The following ACSM4 variants were observed in gnomAD, a reference collection of about 807,000 sequenced individuals.
ACSM4 encodes acyl-coenzyme A synthetase ACSM4, mitochondrial.
In ACSM4, 66 loss-of-function variants were observed where a neutral mutation model predicts 73.0. The observed-to-expected ratio is 0.90, with a 90% CI of 0.74 to 1.11. ACSM4 has a LOEUF of 1.11. Among genes scored for constraint, ACSM4 ranks in the 50% least tolerant of loss-of-function variants. The pLI is 0.00. For missense variants in ACSM4, 645 were observed against 714.4 expected (o/e 0.90, Z 1.11); for synonymous variants, 222 against 254.0 (o/e 0.87, Z 1.20).
intron 5 of ACSM4, 41 bp from the exon 6 acceptor site, chr12:7,320,684 A>C (rs893405165): frequency 1.2e-5 from 19 of 1,551,682 alleles, no homozygotes; most frequent in Non-Finnish European, 1.6e-5. Flanking sequence ...ATGGCCTTTG[A>C]ATGACCACTT....
Position 7,323,551 on chromosome 12 carries a change from T to C in ACSM4, c.1299T>C (p.Ser433=). Residue 433 remains serine (S), a synonymous_variant, in exon 9 of 13, where the codon TCT becomes TCC. Coordinates refer to ENST00000399422, the MANE Select transcript of ACSM4 (RefSeq NM_001080454.2). ...LKPTRPFCFF[S]KYVDNPQKTA... The stretch of plus-strand genomic sequence containing the variant: ...CTACACGGCCCTTCTGTTTCTTCTC[T>C]AAATATGTGGTATGAGGATAGAAAG... 6.2e-7 allele frequency: 1 copy of C among 1,612,792 alleles called. No individual in the cohort carries two copies. The highest frequency in any genetic ancestry group is 1.3e-5 in the African/African-American group (1 of 75,030).
intron 4 of ACSM4, 31 bp from the exon 5 acceptor site, chr12:7,317,995 G>C: frequency 6.2e-7 from 1 of 1,602,720 alleles, no homozygotes. Context: ...TTTATTTTTG[G>C]TCTGTTTTGT....
At chr12:7,317,366 A>C (rs1170502549) in intron 4 of ACSM4, 86 bp downstream of exon 4, 9 of 1,443,194 alleles carry the variant, frequency 6.2e-6, no homozygotes, top group African/African-American at 1.4e-5. Flanking sequence ...TTCTCCTTGA[A>C]TTGCTATAAG....
rs535339587 is a variant in ACSM4, at chr12:7,322,681, C to A, written c.1125+140C>A. 596 of 1,061,012 alleles carry A rather than the reference C, an allele frequency of 5.6e-4. 7 individuals carry two copies. In the South Asian group the frequency reaches 7.9e-3, roughly 14 times the overall value. 65.7% of individuals were successfully genotyped at this position (1,061,012 alleles called of 1,614,324 possible). A position where few individuals can be genotyped will look rare whatever the true frequency, so the allele number is the denominator to read the frequency against. ...GGATACCTCACCTTGCCAGTAGTTA[C>A]CAAAACTTGCAGATTGCTCAGTTAG... On this transcript the variant is annotated intron_variant, in intron 7 of 12. Transcript: ENST00000399422.
intron 5 of ACSM4, 91 bp from the exon 6 acceptor site, chr12:7,320,634 A>G (rs1946454265): frequency 1.9e-6 from 2 of 1,068,328 alleles, no homozygotes; most frequent in Non-Finnish European, 2.8e-6. Context: ...GGCACATATT[A>G]ATGGAAGAAA....
At chr12:7,324,040 T>C (rs565253386) in intron 9 of ACSM4, among the ~76,000 whole-genome samples, 95 of 152,064 alleles carry the variant, frequency 6.2e-4, no homozygotes, top group Admixed American at 3.2e-3. Flanking sequence ...TAGTCAGGTG[T>C]TGTGGCACAT....
chr12:7,312,797 T>C (rs1458086055), intron 3 of ACSM4, among the ~76,000 whole-genome samples: 2 of 152,208 alleles, frequency 1.3e-5, no homozygotes, highest in African/African-American at 4.8e-5. Flanking sequence ...AAATATCTAG[T>C]AATTATAACT....
chr12:7,308,748 A>T (rs767906617), intron 2 of ACSM4, among the ~76,000 whole-genome samples: 11 of 152,314 alleles, frequency 7.2e-5, no homozygotes, highest in African/African-American at 2.6e-4. Flanking sequence ...CTTTCTCAAG[A>T]AGGGATGATA....
At chr12:7,317,064 T>C in intron 3 of ACSM4, 73 bp from the exon 4 acceptor site, 2 of 1,515,900 alleles carry the variant, frequency 1.3e-6, no homozygotes, top group Non-Finnish European at 1.8e-6. Flanking sequence ...GCATAAGTAG[T>C]TGAGCAGAGG....
chr12:7,320,118 G>T (rs1213313574), intron 5 of ACSM4, among the ~76,000 whole-genome samples: 1 of 152,094 alleles, frequency 6.6e-6, no homozygotes, highest in Non-Finnish European at 1.5e-5. Flanking sequence ...GGGACATAGT[G>T]GAACTTCTCC....
chr12:7,316,400 C>T (rs2136331994), intron 3 of ACSM4, among the ~76,000 whole-genome samples: 2 of 152,318 alleles, frequency 1.3e-5, no homozygotes, highest in Admixed American at 1.3e-4. Flanking sequence ...AAGAAGGCTG[C>T]ATCTCTTCCT....
intron 6 of ACSM4, among the ~76,000 whole-genome samples, chr12:7,321,518 A>G (rs34413928): frequency 6.6e-6 from 1 of 152,192 alleles, no homozygotes; most frequent in Non-Finnish European, 1.5e-5. Flanking sequence ...CTCTTTTCCT[A>G]GTCAGTGTCA....
chr12:7,306,844 A>C, intron 2 of ACSM4, 101 bp downstream of exon 2: 1 of 886,252 alleles, frequency 1.1e-6, no homozygotes, highest in Non-Finnish European at 1.6e-6. Context: ...TGCATACAGA[A>C]GACAAAAAAA....
In ACSM4 at chr12:7,323,304, A is replaced by G. The variant is rs1208467801; in HGVS notation, c.1196A>G (p.Tyr399Cys). The stretch of plus-strand genomic sequence containing the variant: ...TCAATGGGGAAAGGAATGCTGCCCT[A>G]TGATGTCCAGGTAGGTTGAGAAAAT... Reference protein sequence around the residue: ...PGSMGKGMLPYDVQIIDENGN... With the variant: ...PGSMGKGMLPCDVQIIDENGN... Residue 399 changes from tyrosine (Y) to cysteine (C), a missense_variant, in exon 8 of 13, where the codon TAT becomes TGT. Coordinates refer to ENST00000399422, the MANE Select transcript of ACSM4 (RefSeq NM_001080454.2). 4.3e-6 allele frequency: 7 copies of G among 1,610,920 alleles called. No individual in the cohort carries two copies. The highest frequency in any genetic ancestry group is 3.3e-4 in the Middle Eastern group (2 of 6,056).
At chr12:7,323,027 T>A (rs1342121221) in intron 7 of ACSM4, among the ~76,000 whole-genome samples, 2 of 152,238 alleles carry the variant, frequency 1.3e-5, no homozygotes, top group East Asian at 3.9e-4. Flanking sequence ...GGCCCATCAA[T>A]CTGTGTTTCA....
rs755715719 is a variant in ACSM4, at chr12:7,323,576, G to C, written c.1308+16G>C. On this transcript the variant is annotated intron_variant, in intron 9 of 12. Coordinates refer to ENST00000399422, the MANE Select transcript of ACSM4 (RefSeq NM_001080454.2). The stretch of plus-strand genomic sequence containing the variant: ...TAAATATGTGGTATGAGGATAGAAA[G>C]TGCTGGTCATGCTTAATACAGACTT... 4 of 1,602,822 alleles carry C rather than the reference G, an allele frequency of 2.5e-6. No homozygotes were observed. Among genetic ancestry groups the C allele is most frequent in the Non-Finnish European group, 3.4e-6 (4 of 1,170,032 alleles).
At chr12:7,308,430 A>G (rs1946372673) in intron 2 of ACSM4, among the ~76,000 whole-genome samples, 2 of 152,216 alleles carry the variant, frequency 1.3e-5, no homozygotes, top group Admixed American at 1.3e-4. Flanking sequence ...TAAATCTTCA[A>G]TGAGAATATT....
At chr12:7,319,920 T>C (rs1353331746) in intron 5 of ACSM4, among the ~76,000 whole-genome samples, 1 of 152,252 alleles carries the variant, frequency 6.6e-6, no homozygotes, top group Non-Finnish European at 1.5e-5. Context: ...AGATTTATGC[T>C]ATTTTTAGGT....
intron 3 of ACSM4, among the ~76,000 whole-genome samples, chr12:7,315,797 A>C (rs1327746775): frequency 6.6e-6 from 1 of 152,134 alleles, no homozygotes; most frequent in African/African-American, 2.4e-5. Context: ...CAGAGGCAGC[A>C]GTCTCTGCTC....
Sources: allele counts gnomAD v4.1 joint callset (sites outside exome capture counted in the v4.1 genomes callset), GRCh38; gene constraint gnomAD v4.1.1; transcripts MANE v1.5; gene names NCBI Gene and HGNC (gene_info 2026-07-23, HGNC 2026-07-21).